The following RELB variants were observed in gnomAD, a reference collection of about 807,000 sequenced individuals.
RELB encodes RELB proto-oncogene, NF-kB subunit.
A neutral mutation model predicts 55.4 loss-of-function variants in RELB; 14 were observed. The ratio of observed to expected loss-of-function variants is 0.25; its 90% CI spans 0.17 to 0.40. The LOEUF (loss-of-function observed/expected upper bound fraction) is 0.40. Ranked by LOEUF, RELB falls within the 10% of genes least tolerant of loss-of-function variation. The pLI is 1.00. For synonymous variants in RELB, 409 were observed against 371.3 expected (o/e 1.10, Z -1.17); for missense variants, 669 against 830.7 (o/e 0.81, Z 2.39).
rs866860702 is a variant in RELB, at chr19:45,008,053, T to C, written c.155-1761T>C. 2.5e-3 allele frequency among the ~76,000 whole-genome samples: 303 copies of C among 119,130 alleles called. 1 individual carries two copies. The highest frequency in any genetic ancestry group is 8.4e-3 in the African/African-American group (272 of 32,346). The allele number at this position is 119,130 out of a possible 152,430, so 78.2% of individuals were successfully genotyped here. On this transcript the variant is annotated intron_variant, in intron 2 of 11. Coordinates refer to ENST00000221452, the MANE Select transcript of RELB (RefSeq NM_006509.4). ...GGTGTGGTGGTGTGCACCTGTAATC[T>C]CAGCTACTCGGGAGGCTGAGACAGG...
At chr19:45,014,707 T>TG (rs899753527) in intron 4 of RELB, among the ~76,000 whole-genome samples, 5 of 151,004 alleles carry the variant, frequency 3.3e-5, no homozygotes, top group African/African-American at 1.2e-4. Flanking sequence ...TTAGTAGAGA[T>TG]GGGGTTTCAC....
At chr19:45,036,495 T>G (rs1173351326) in intron 11 of RELB, among the ~76,000 whole-genome samples, 1 of 152,168 alleles carries the variant, frequency 6.6e-6, no homozygotes, top group African/African-American at 2.4e-5. Context: ...TCCCAACTTG[T>G]GTCTCCCATG....
At position 45,028,942 on chromosome 19, in the gene RELB, C is replaced by G. The variant is rs748518205; in HGVS notation, c.941C>G (p.Pro314Arg). Reference sequence around the variant, plus strand: ...TGCCGAATTAACAAGGAAAGCGGGCCGTGCACCGGTGGCGAGGAGCTCTAC... The same window carrying G: ...TGCCGAATTAACAAGGAAAGCGGGCGGTGCACCGGTGGCGAGGAGCTCTAC... ...RICRINKESG[P>R]CTGGEELYLL... The change falls in exon 8 of 12, where the codon CCG becomes CGG. Residue 314 changes from proline (P) to arginine (R), a missense_variant. By Grantham distance (103) the Pro-to-Arg change is moderately radical. This residue lies in a region of RELB where 341 missense variants were observed against 436.8 expected (regional missense o/e 0.78). Coordinates refer to ENST00000221452, the MANE Select transcript of RELB (RefSeq NM_006509.4). 2 of 1,599,358 alleles carry G rather than the reference C, an allele frequency of 1.3e-6. No homozygotes were observed. The highest frequency in any genetic ancestry group is 8.5e-7 in the Non-Finnish European group (1 of 1,173,628).
At chr19:45,010,844 A>C (rs1232837647) in intron 3 of RELB, among the ~76,000 whole-genome samples, 3 of 145,270 alleles carry the variant, frequency 2.1e-5, no homozygotes, top group African/African-American at 7.8e-5. Flanking sequence ...TACCTGGCTC[A>C]TTTTTGTATT....
intron 2 of RELB, among the ~76,000 whole-genome samples, chr19:45,003,954 C>T (rs1399269212): frequency 2.9e-5 from 3 of 102,214 alleles, no homozygotes; most frequent in Admixed American, 1.6e-4. Flanking sequence ...GACAGAGTCT[C>T]GCTGTGTCAC....
chr19:45,025,277 C>G, intron 5 of RELB, 52 bp from the exon 6 acceptor site: 1 of 1,327,976 alleles, frequency 7.5e-7, no homozygotes. Context: ...CAGGTTAGGG[C>G]CACACTTGCC....
chr19:45,013,558 C>T (rs542830937), intron 4 of RELB, among the ~76,000 whole-genome samples: 4 of 151,770 alleles, frequency 2.6e-5, no homozygotes, highest in South Asian at 4.2e-4. Flanking sequence ...TGAAGCTGGT[C>T]GTGGTGGCTC....
rs752358158 is a variant in RELB at position 45,034,540 on chromosome 19, C to T, written c.1354+12C>T. The T allele has an allele frequency of 6.3e-7, 1 of 1,588,214 alleles. No individual in the cohort carries two copies. Among genetic ancestry groups the T allele is most frequent in the Non-Finnish European group, 8.6e-7 (1 of 1,167,374 alleles). The stretch of plus-strand genomic sequence containing the variant: ...CAACCACGGCTCAGGTGGGTCCCAG[C>T]TACACATAAGCCCCTGTCCCCTGGG... On this transcript the variant is annotated intron_variant, in intron 11 of 11. Coordinates refer to ENST00000221452, the MANE Select transcript of RELB (RefSeq NM_006509.4).
At chr19:45,014,880 C>A (rs1327015747) in intron 4 of RELB, among the ~76,000 whole-genome samples, 1 of 149,614 alleles carries the variant, frequency 6.7e-6, no homozygotes, top group African/African-American at 2.5e-5. Context: ...AGGGAATGAC[C>A]TGTCTCCAAA....
chr19:45,008,542 C>G (rs1971311420), intron 2 of RELB: 2 of 456,110 alleles, frequency 4.4e-6, no homozygotes, highest in African/African-American at 4.0e-5. Flanking sequence ...GAGCGTGTCC[C>G]TTCCTCTCTG....
At chr19:45,007,926 G>T (rs1971301989) in intron 2 of RELB, among the ~76,000 whole-genome samples, 2 of 150,388 alleles carry the variant, frequency 1.3e-5, no homozygotes, top group South Asian at 4.2e-4. Context: ...GGAGGCCGAG[G>T]TGCGCGGATC....
At chr19:45,024,814 C>T (rs1284655207) in intron 5 of RELB, among the ~76,000 whole-genome samples, 2 of 151,798 alleles carry the variant, frequency 1.3e-5, no homozygotes, top group African/African-American at 4.8e-5. Flanking sequence ...TCCCAAAGTG[C>T]TGGGATTCTA....
In RELB at chr19:45,001,539, C is replaced by T. The variant is rs1971208561; in HGVS notation, c.-41C>T. ...GCCGCTCGTCCGACCCGCGATCGTC[C>T]ACCAGACCGTGCCTCCCGGCCGCCC... is the stretch of plus-strand genomic sequence containing the variant. On this transcript the variant is annotated 5_prime_UTR_variant, in exon 1 of 12. Coordinates refer to ENST00000221452, the MANE Select transcript of RELB (RefSeq NM_006509.4). 1.6e-6 allele frequency: 2 copies of T among 1,244,964 alleles called. No homozygotes were observed. The highest frequency in any genetic ancestry group is 2.1e-6 in the Non-Finnish European group (2 of 937,892). 77.1% of individuals were successfully genotyped at this position (1,244,964 alleles called of 1,614,324 possible).
At chr19:45,034,363 G>A in intron 10 of RELB, 51 bp downstream of exon 10, 2 of 1,607,252 alleles carry the variant, frequency 1.2e-6, no homozygotes, top group South Asian at 1.1e-5. Flanking sequence ...CTGGGGAGGG[G>A]ACAGCTGACC....
chr19:45,034,643 A>G (rs1971666573), intron 11 of RELB, 115 bp downstream of exon 11: 1 of 804,340 alleles, frequency 1.2e-6, no homozygotes, highest in Admixed American at 2.5e-5. Context: ...CGAGTCACTC[A>G]GCACTTAGCC....
intron 4 of RELB, 31 bp downstream of exon 4, chr19:45,012,307 G>C (rs912361216): frequency 1.7e-5 from 23 of 1,324,296 alleles, no homozygotes; most frequent in Non-Finnish European, 2.2e-5. Flanking sequence ...CGGGCGGGTG[G>C]GACTGGGGCT....
intron 7 of RELB, among the ~76,000 whole-genome samples, chr19:45,027,092 G>C (rs1404335070): frequency 6.6e-6 from 1 of 151,988 alleles, no homozygotes; most frequent in African/African-American, 2.4e-5. Context: ...AATTAGCCGG[G>C]CGTCGTGGCG....
chr19:45,025,297 G>A, intron 5 of RELB, 32 bp from the exon 6 acceptor site: 2 of 1,513,138 alleles, frequency 1.3e-6, no homozygotes, highest in South Asian at 1.2e-5. Context: ...CTGCTCACGA[G>A]CACTCCTCTC....
At chr19:45,019,054 C>T (rs577939638) in intron 4 of RELB, among the ~76,000 whole-genome samples, 1 of 152,102 alleles carries the variant, frequency 6.6e-6, no homozygotes, top group Non-Finnish European at 1.5e-5. Context: ...TACACACACA[C>T]AGATACATAC....
Sources: allele counts gnomAD v4.1 joint callset (sites outside exome capture counted in the v4.1 genomes callset), GRCh38; gene constraint gnomAD v4.1.1; regional missense constraint gnomAD v4.1.1; transcripts MANE v1.5; gene names NCBI Gene and HGNC (gene_info 2026-07-23, HGNC 2026-07-21).